The following CNTRL variants were observed in gnomAD, a reference collection of about 807,000 sequenced individuals.
The protein encoded by CNTRL is 110 kDa centrosomal protein.
A neutral mutation model predicts 303.7 loss-of-function variants in CNTRL; 233 were observed. The observed-to-expected ratio is 0.77, with a 90% CI of 0.69 to 0.86. The LOEUF (loss-of-function observed/expected upper bound fraction) is 0.86. CNTRL is among the 40% of genes least tolerant of loss of function. The pLI is 0.00. For missense variants in CNTRL, 2,524 were observed against 2,650.6 expected (o/e 0.95, Z 1.05); for synonymous variants, 900 against 922.2 (o/e 0.98, Z 0.44).
At position 121,173,699 on chromosome 9, in the gene CNTRL, C is replaced by T; in HGVS notation, c.6709C>T (p.Leu2237Phe). The change falls in exon 42 of 44, where the codon CTC becomes TTC. Residue 2237 changes from leucine to phenylalanine, a missense_variant. Leu to Phe is a conservative substitution (Grantham distance 22). Transcript: ENST00000373855. ...IMDEHWRGEA[L>F]REKLRHREDR... Reference sequence around the variant, plus strand: ...GGATGAACACTGGCGTGGAGAAGCACTCCGGGAGAAACTGCGTCACCGGGA... The same window carrying T: ...GGATGAACACTGGCGTGGAGAAGCATTCCGGGAGAAACTGCGTCACCGGGA... 1 of 1,614,128 alleles carries T rather than the reference C, an allele frequency of 6.2e-7. No homozygotes were observed. The highest frequency in any genetic ancestry group is 8.5e-7 in the Non-Finnish European group (1 of 1,180,008).
At position 121,173,509 on chromosome 9, in the gene CNTRL, GGT is replaced by G. The variant is rs777605949; in HGVS notation, c.6684+1_6684+2del. 3.7e-6 allele frequency: 6 copies of G among 1,613,222 alleles called. No individual in the cohort carries two copies. In the Admixed American group the frequency reaches 1.0e-4, roughly 27 times the overall value. The stretch of plus-strand genomic sequence containing the variant: ...TGAACTTTTCCCAAGTTCACATAAT[GGT>G]AAGGGTTTATCCTGCTATTCTCTGG... On this transcript the variant is annotated splice_donor_variant, in intron 41 of 43. Coordinates refer to ENST00000373855, the MANE Select transcript of CNTRL (RefSeq NM_007018.6). LOFTEE classifies it high-confidence loss of function.
At chr9:121,082,499 G>T (rs1197874141) in intron 2 of CNTRL, among the ~76,000 whole-genome samples, 1 of 152,198 alleles carries the variant, frequency 6.6e-6, no homozygotes, top group Non-Finnish European at 1.5e-5. Context: ...GACAGAATTT[G>T]CTCTGTAAGA....
intron 14 of CNTRL, among the ~76,000 whole-genome samples, chr9:121,128,837 T>A (rs1300610838): frequency 1.3e-5 from 2 of 152,156 alleles, no homozygotes; most frequent in African/African-American, 4.8e-5. Context: ...AAGGAAGAGA[T>A]CCAGTTTCAG....
intron 25 of CNTRL, among the ~76,000 whole-genome samples, chr9:121,151,477 G>A (rs1425241829): frequency 4.7e-5 from 6 of 128,736 alleles, no homozygotes; most frequent in Non-Finnish European, 7.8e-5. Context: ...TGCAACCTCC[G>A]CCTCCCGGGT....
chr9:121,080,184 G>T (rs1335138572), intron 1 of CNTRL, 122 bp from the exon 2 acceptor site: 3 of 152,148 alleles, frequency 2.0e-5, no homozygotes, highest in Non-Finnish European at 2.9e-5. Flanking sequence ...AATTATTTAA[G>T]ATCTTCATCT....
At chr9:121,175,858 TG>T (rs781012346) in intron 43 of CNTRL, among the ~76,000 whole-genome samples, 7 of 152,214 alleles carry the variant, frequency 4.6e-5, no homozygotes, top group Non-Finnish European at 7.3e-5. Flanking sequence ...AGCTTAGACC[TG>T]TGAGGCCAAT....
At position 121,144,083 on chromosome 9, in the gene CNTRL, G is replaced by A; in HGVS notation, c.3051+1G>A. The A allele has an allele frequency of 6.2e-7, 1 of 1,605,972 alleles. No homozygotes were observed. Among genetic ancestry groups the A allele is most frequent in the Non-Finnish European group, 8.5e-7 (1 of 1,177,608 alleles). Reference sequence around the variant, plus strand: ...GAAAATTAACCAGGAGCGAGCAGAGGTGAGTTCACATGTACAGAACAGGTT... The same window carrying A: ...GAAAATTAACCAGGAGCGAGCAGAGATGAGTTCACATGTACAGAACAGGTT... On this transcript the variant is annotated splice_donor_variant, in intron 20 of 43. Coordinates refer to ENST00000373855, the MANE Select transcript of CNTRL (RefSeq NM_007018.6). LOFTEE classifies it high-confidence loss of function.
rs1172833024 is a variant in CNTRL, at chr9:121,160,146, G to A, written c.4933G>A (p.Val1645Ile). ...ACTTTTTTTTTTTCAAACACAGGAA[G>A]TAAAATCTCTTCTGGAAGAACTGAG... Reference protein sequence around the residue: ...VTEKCNHIREVKSLLEELSFQ... With the variant: ...VTEKCNHIREIKSLLEELSFQ... Residue 1645 changes from valine (V) to isoleucine (I), a missense_variant, in exon 32 of 44, where the codon GTA becomes ATA. Coordinates refer to ENST00000373855, the MANE Select transcript of CNTRL (RefSeq NM_007018.6). 3 of 1,464,744 alleles carry A rather than the reference G, an allele frequency of 2.0e-6. No individual in the cohort carries two copies. The highest frequency in any genetic ancestry group is 3.1e-5 in the South Asian group (2 of 64,122). 90.7% of individuals were successfully genotyped at this position (1,464,744 alleles called of 1,614,324 possible). A position where few individuals can be genotyped will look rare whatever the true frequency, so the allele number is the denominator to read the frequency against.
At chr9:121,134,534 A>T (rs548398488) in intron 14 of CNTRL, among the ~76,000 whole-genome samples, 9 of 152,226 alleles carry the variant, frequency 5.9e-5, no homozygotes, top group African/African-American at 2.2e-4. Flanking sequence ...TGACTTCGTG[A>T]TCCACCCGCC....
chr9:121,088,579 ATACT>A (rs748339227), intron 3 of CNTRL, 36 bp downstream of exon 3: 5 of 1,392,244 alleles, frequency 3.6e-6, no homozygotes, highest in South Asian at 1.2e-5. Context: ...GTCTGACCAC[ATACT>A]TCAAGTAGAG....
In CNTRL at chr9:121,162,049, T is replaced by A. The variant is rs1354728465; in HGVS notation, c.5206-5T>A. The stretch of plus-strand genomic sequence containing the variant: ...GATGTTTGAGTCCTCTTTTATCTGA[T>A]TTAGGAGAAACTGGAGTTAGAGAAT... On this transcript the variant is annotated splice_region_variant and splice_polypyrimidine_tract_variant and intron_variant, in intron 33 of 43. Coordinates refer to ENST00000373855, the MANE Select transcript of CNTRL (RefSeq NM_007018.6). 3 of 1,614,062 alleles carry A rather than the reference T, an allele frequency of 1.9e-6. No individual in the cohort carries two copies. The highest frequency in any genetic ancestry group is 2.5e-6 in the Non-Finnish European group (3 of 1,179,962).
intron 27 of CNTRL, among the ~76,000 whole-genome samples, chr9:121,155,122 A>G (rs1161895526): frequency 6.6e-6 from 1 of 152,224 alleles, no homozygotes; most frequent in Non-Finnish European, 1.5e-5. Context: ...TTATCTATAA[A>G]TTCAGGCTAA....
At chr9:121,140,992 T>C (rs1041324849) in intron 17 of CNTRL, among the ~76,000 whole-genome samples, 1 of 152,038 alleles carries the variant, frequency 6.6e-6, no homozygotes, top group Non-Finnish European at 1.5e-5. Flanking sequence ...ATTTTGGATC[T>C]TTTTTTTGGT....
intron 25 of CNTRL, among the ~76,000 whole-genome samples, chr9:121,151,387 C>CTTTTTTTTTTTTTTTTT (rs71370632): frequency 2.2e-5 from 2 of 90,422 alleles, no homozygotes; most frequent in Non-Finnish European, 4.0e-5. Flanking sequence ...TTTTCTTCTT[C>CTTTTTTTTTTTTTTTTT]TTTTTTTTTT....
chr9:121,094,919 T>C lies in CNTRL; in HGVS notation c.380T>C (p.Leu127Pro), dbSNP rs375095316. The C allele has an allele frequency of 1.9e-6, 3 of 1,583,748 alleles. No individual in the cohort carries two copies. Among genetic ancestry groups the C allele is most frequent in the Non-Finnish European group, 1.7e-6 (2 of 1,161,038 alleles). ...YIENLEKCVK[L>P]EVLNLSYNLI... ...GAGAATTTGGAAAAATGTGTTAAACTTGAAGTACTGAATCTCAGCTATAAT... is the reference window on the plus strand; with the variant it reads ...GAGAATTTGGAAAAATGTGTTAAACCTGAAGTACTGAATCTCAGCTATAAT... The change falls in exon 5 of 44, where the codon CTT (leucine) becomes CCT (proline). Residue 127 changes from leucine (L) to proline (P), a missense_variant. By Grantham distance (98) the Leu-to-Pro change is moderately conservative. Transcript: ENST00000373855.
rs561579740 is a variant in CNTRL, at chr9:121,160,122, CT to C, written c.4930-10del. On this transcript the variant is annotated intron_variant, in intron 31 of 43. Coordinates refer to ENST00000373855, the MANE Select transcript of CNTRL (RefSeq NM_007018.6). Reference sequence around the variant, plus strand: ...CATTTACAGTCACAGGAGGGAATAACTTTTTTTTTTTCAAACACAGGAAGTA... The same window carrying C: ...CATTTACAGTCACAGGAGGGAATAACTTTTTTTTTTCAAACACAGGAAGTA... The C allele has an allele frequency of 0.011, 11,840 of 1,073,154 alleles. 2 individuals are homozygous for C. Among genetic ancestry groups the C allele is most frequent in the South Asian group, 0.023 (1,062 of 46,166 alleles). The allele number at this position is 1,073,154 out of a possible 1,614,324, so 66.5% of individuals were successfully genotyped here.
Position 121,166,113 on chromosome 9 carries a change from G to A in CNTRL, c.5588G>A (p.Arg1863Gln), listed in dbSNP as rs376534663. ...GAGAATGTCATTTCTTTAGAAAAAC[G>A]AGAAGCAGTAAACTCACTGCAGGAG... ...SAMQQQLQEK[R>Q]EAVNSLQEEL... Residue 1863 changes from arginine to glutamine, a missense_variant, in exon 36 of 44, where the codon CGA becomes CAA. By Grantham distance (43) the Arg-to-Gln change is conservative. Transcript: ENST00000373855. 59 of 1,609,646 alleles carry A rather than the reference G, an allele frequency of 3.7e-5. No individual in the cohort carries two copies. The highest frequency in any genetic ancestry group is 6.6e-5 in the South Asian group (6 of 90,502).
At chr9:121,131,714 T>G (rs139096451) in intron 14 of CNTRL, among the ~76,000 whole-genome samples, 396 of 152,356 alleles carry the variant, frequency 2.6e-3, no homozygotes, top group African/African-American at 9.2e-3. Context: ...GTTGATGCAG[T>G]TTCTTCCTGG....
At chr9:121,145,474 A>G in intron 22 of CNTRL, 89 bp downstream of exon 22, 1 of 1,290,218 alleles carries the variant, frequency 7.8e-7, no homozygotes. Flanking sequence ...ACTGTTACAA[A>G]TCAAGTCCAT....
Sources: allele counts gnomAD v4.1 joint callset (sites outside exome capture counted in the v4.1 genomes callset), GRCh38; gene constraint gnomAD v4.1.1; transcripts MANE v1.5; gene names NCBI Gene and HGNC (gene_info 2026-07-23, HGNC 2026-07-21).